EPHA5: variants seen among roughly 807,000 people sequenced by gnomAD.
EPHA5 encodes EPH receptor A5.
A neutral mutation model predicts 105.0 loss-of-function variants in EPHA5; 60 were observed. The ratio of observed to expected loss-of-function variants is 0.57; its 90% CI spans 0.46 to 0.71. The LOEUF (loss-of-function observed/expected upper bound fraction) is 0.71. Ranked by LOEUF, EPHA5 falls within the 30% of genes least tolerant of loss-of-function variation. The pLI is 0.00. For synonymous variants in EPHA5, 513 were observed against 449.1 expected (o/e 1.14, Z -1.80); for missense variants, 1,218 against 1,274.7 (o/e 0.96, Z 0.68).
intron 5 of EPHA5, among the ~76,000 whole-genome samples, chr4:65,438,112 G>A (rs1373123330): frequency 3.3e-5 from 5 of 151,710 alleles, no homozygotes; most frequent in African/African-American, 1.2e-4. Context: ...TATTTTAATC[G>A]CTGGCAAAAC....
At chr4:65,669,240 T>TC (rs1249429890) in intron 1 of EPHA5, among the ~76,000 whole-genome samples, 1 of 151,094 alleles carries the variant, frequency 6.6e-6, no homozygotes, top group Non-Finnish European at 1.5e-5. Context: ...GCCGCACCCA[T>TC]CCCCCTGGAA....
At chr4:65,602,385 AAACT>A (rs1252765466) in intron 2 of EPHA5, 81 bp from the exon 3 acceptor site, 6 of 1,100,888 alleles carry the variant, frequency 5.5e-6, no homozygotes, top group South Asian at 1.9e-5. Context: ...TTATAAAAGA[AAACT>A]AACTGAGATA....
chr4:65,369,913 G>A (rs1225602231), intron 8 of EPHA5, among the ~76,000 whole-genome samples: 2 of 152,084 alleles, frequency 1.3e-5, no homozygotes, highest in African/African-American at 4.8e-5. Context: ...GTTGCAGTGA[G>A]CCAAGATCTT....
intron 3 of EPHA5, among the ~76,000 whole-genome samples, chr4:65,511,664 C>T (rs1733639163): frequency 6.6e-6 from 1 of 152,130 alleles, no homozygotes; most frequent in South Asian, 2.1e-4. Context: ...ATTTCAAATG[C>T]TCTAAGAAAA....
At chr4:65,540,479 A>G (rs899313961) in intron 3 of EPHA5, among the ~76,000 whole-genome samples, 1 of 151,318 alleles carries the variant, frequency 6.6e-6, no homozygotes, top group Non-Finnish European at 1.5e-5. Flanking sequence ...AAAATAATTT[A>G]TATGTTGACA....
intron 5 of EPHA5, among the ~76,000 whole-genome samples, chr4:65,443,627 G>A (rs1288375197): frequency 1.3e-5 from 2 of 152,228 alleles, no homozygotes; most frequent in East Asian, 1.9e-4. Flanking sequence ...AAAGAAGACC[G>A]AGGCTAGAAT....
chr4:65,537,083 C>T (rs1032527170), intron 3 of EPHA5, among the ~76,000 whole-genome samples: 1 of 151,672 alleles, frequency 6.6e-6, no homozygotes, highest in African/African-American at 2.4e-5. Context: ...ACATATTTCT[C>T]ACAGGAGAGA....
At chr4:65,640,767 A>G (rs1228001376) in intron 2 of EPHA5, among the ~76,000 whole-genome samples, 1 of 152,178 alleles carries the variant, frequency 6.6e-6, no homozygotes, top group Non-Finnish European at 1.5e-5. Flanking sequence ...CTTGTGCACA[A>G]GTAAAACCTT....
intron 14 of EPHA5, among the ~76,000 whole-genome samples, chr4:65,341,499 T>C (rs1168187502): frequency 6.6e-6 from 1 of 151,592 alleles, no homozygotes; most frequent in Non-Finnish European, 1.5e-5. Flanking sequence ...GCATCATAAA[T>C]AAATATACAT....
chr4:65,439,831 G>A (rs983770690), intron 5 of EPHA5, among the ~76,000 whole-genome samples: 1 of 151,902 alleles, frequency 6.6e-6, no homozygotes, highest in Non-Finnish European at 1.5e-5. Flanking sequence ...GAATGCTTAG[G>A]GTTTCTGCAT....
intron 3 of EPHA5, among the ~76,000 whole-genome samples, chr4:65,601,025 A>C (rs1743670513): frequency 6.6e-6 from 1 of 152,192 alleles, no homozygotes; most frequent in Admixed American, 6.5e-5. Context: ...TCTATCTTCA[A>C]ATAGTTATTT....
chr4:65,485,623 C>A lies in EPHA5; in HGVS notation c.1402+4754G>T, dbSNP rs540092463. Reference sequence around the variant, plus strand: ...TATACATTTATAAATCATTTAATCGCTTCTATAGACTATCAGCCTAATGCA... The same window carrying A: ...TATACATTTATAAATCATTTAATCGATTCTATAGACTATCAGCCTAATGCA... On this transcript the variant is annotated intron_variant, in intron 5 of 16. Transcript: ENST00000613740. 2.0e-5 allele frequency among the ~76,000 whole-genome samples: 3 copies of A among 152,258 alleles called. No homozygotes were observed. In the South Asian group the frequency reaches 6.2e-4, roughly 32 times the overall value.
At chr4:65,666,004 G>A (rs1475226920) in intron 1 of EPHA5, among the ~76,000 whole-genome samples, 1 of 152,134 alleles carries the variant, frequency 6.6e-6, no homozygotes, top group Non-Finnish European at 1.5e-5. Context: ...CAAGGCCACA[G>A]AATAAAGCCA....
chr4:65,391,515 T>C (rs1245848934), intron 8 of EPHA5, among the ~76,000 whole-genome samples: 9 of 152,138 alleles, frequency 5.9e-5, no homozygotes, highest in Non-Finnish European at 1.2e-4. Context: ...CTTCCAGACA[T>C]GGCTCAGGAA....
chr4:65,381,048 A>G (rs933130931), intron 8 of EPHA5, among the ~76,000 whole-genome samples: 1 of 151,660 alleles, frequency 6.6e-6, no homozygotes, highest in African/African-American at 2.4e-5. Flanking sequence ...GTTTGATCAT[A>G]TATGTCAAGC....
chr4:65,372,022 T>A (rs772450281), intron 8 of EPHA5, among the ~76,000 whole-genome samples: 6 of 151,968 alleles, frequency 3.9e-5, no homozygotes, highest in Non-Finnish European at 5.9e-5. Context: ...TGAACATTAA[T>A]ATCTATATGA....
At chr4:65,375,465 G>A (rs906229731) in intron 8 of EPHA5, among the ~76,000 whole-genome samples, 26 of 151,270 alleles carry the variant, frequency 1.7e-4, no homozygotes, top group African/African-American at 4.6e-4. Flanking sequence ...TATTCTATTC[G>A]TTTTATAAAC....
At chr4:65,446,975 A>ATTTTTTTTTTTTTTTTTTTTTTTTTTT (rs397993760) in intron 5 of EPHA5, among the ~76,000 whole-genome samples, 1 of 112,920 alleles carries the variant, frequency 8.9e-6, no homozygotes, top group African/African-American at 3.4e-5. Flanking sequence ...TTAAAAGCTC[A>ATTTTTTTTTTTTTTTTTTTTTTTTTTT]TTTTTTTTTT....
chr4:65,524,703 T>G (rs1421013790), intron 3 of EPHA5, among the ~76,000 whole-genome samples: 1 of 151,874 alleles, frequency 6.6e-6, no homozygotes, highest in Admixed American at 6.6e-5. Flanking sequence ...TTATAAACTG[T>G]GCCATTTCAG....
Sources: gnomAD v4.1 joint callset for allele counts (sites outside exome capture counted in the v4.1 genomes callset) on GRCh38, gnomAD v4.1.1 for gene constraint, MANE v1.5 for transcripts, NCBI Gene and HGNC (gene_info 2026-07-23, HGNC 2026-07-21) for gene names.